The following BMPER variants were observed in gnomAD, a reference collection of about 807,000 sequenced individuals.
The protein encoded by BMPER is BMP-binding endothelial regulator protein.
Under a neutral mutation model 87.3 loss-of-function variants are expected in BMPER, and 45 were observed. The observed-to-expected ratio is 0.52, with a 90% confidence interval of 0.41 to 0.66. The LOEUF (loss-of-function observed/expected upper bound fraction) is 0.66. Ranked by LOEUF, BMPER falls within the 30% of genes least tolerant of loss-of-function variation. BMPER has a pLI of 0.00. For missense variants in BMPER, 784 were observed against 867.5 expected (o/e 0.90, Z 1.21); for synonymous variants, 326 against 316.2 (o/e 1.03, Z -0.33).
intron 6 of BMPER, among the ~76,000 whole-genome samples, chr7:33,990,974 T>C (rs1401319411): frequency 7.5e-6 from 1 of 132,776 alleles, no homozygotes; most frequent in Admixed American, 8.2e-5. Context: ...GCCCACTTGA[T>C]CATGGTGGAT....
At chr7:34,022,181 G>A (rs1255336327) in intron 6 of BMPER, among the ~76,000 whole-genome samples, 1 of 151,980 alleles carries the variant, frequency 6.6e-6, no homozygotes, top group South Asian at 2.1e-4. Flanking sequence ...ACAAGGTTCT[G>A]GAAGCTGCTT....
chr7:34,065,241 T>TCTCTCTCTCC (rs1562720549), intron 11 of BMPER, among the ~76,000 whole-genome samples: 4 of 147,778 alleles, frequency 2.7e-5, no homozygotes, highest in African/African-American at 1.0e-4. Flanking sequence ...TCTCTCTCTC[T>TCTCTCTCTCC]CTCTCTCCCT....
At chr7:33,949,318 TA>T (rs1285137716) in intron 3 of BMPER, among the ~76,000 whole-genome samples, 1 of 152,112 alleles carries the variant, frequency 6.6e-6, no homozygotes, top group Non-Finnish European at 1.5e-5. Flanking sequence ...ATATCTACAG[TA>T]AAAGTAAGTT....
At chr7:34,006,736 G>A (rs115491450) in intron 6 of BMPER, among the ~76,000 whole-genome samples, 68 of 152,148 alleles carry the variant, frequency 4.5e-4, no homozygotes, top group African/African-American at 1.6e-3. Flanking sequence ...GGACGTCTGT[G>A]TATTGTAGTT....
chr7:33,912,665 C>T (rs1189361950), intron 2 of BMPER, among the ~76,000 whole-genome samples: 1 of 152,234 alleles, frequency 6.6e-6, no homozygotes. Context: ...TCTTCTATGG[C>T]CCTTCTGTAT....
At chr7:34,035,580 A>C (rs1787641616) in intron 6 of BMPER, among the ~76,000 whole-genome samples, 1 of 152,218 alleles carries the variant, frequency 6.6e-6, no homozygotes, top group Non-Finnish European at 1.5e-5. Flanking sequence ...ATTCATGTCA[A>C]GATAACAGAT....
At chr7:34,021,107 G>A (rs560597551) in intron 6 of BMPER, among the ~76,000 whole-genome samples, 4 of 151,984 alleles carry the variant, frequency 2.6e-5, no homozygotes, top group Non-Finnish European at 5.9e-5. Context: ...TTTGGGCAAA[G>A]TTAATGCAAA....
At chr7:33,993,057 C>T (rs1242604056) in intron 6 of BMPER, among the ~76,000 whole-genome samples, 2 of 133,060 alleles carry the variant, frequency 1.5e-5, no homozygotes, top group African/African-American at 5.7e-5. Context: ...AACATTTTTT[C>T]CTTCATTTCA....
rs976914986 is a variant in BMPER at position 34,064,975 on chromosome 7, T to C, written c.1078+2928T>C. Among the ~76,000 whole-genome samples, 3 of 152,320 alleles carry C rather than the reference T, an allele frequency of 2.0e-5. No individual in the cohort carries two copies. The East Asian group carries it at 5.8e-4, about 29-fold the overall frequency. On this transcript the variant is annotated intron_variant, in intron 11 of 14. Transcript: ENST00000649409. Reference sequence around the variant, plus strand: ...CTTCGAGACCTCCTACTTTGAAATTTCTTTGTCATTATATTCAGGATTCAG... The same window carrying C: ...CTTCGAGACCTCCTACTTTGAAATTCCTTTGTCATTATATTCAGGATTCAG...
At chr7:34,007,088 T>C (rs1182179944) in intron 6 of BMPER, among the ~76,000 whole-genome samples, 2 of 152,092 alleles carry the variant, frequency 1.3e-5, no homozygotes, top group Non-Finnish European at 2.9e-5. Flanking sequence ...TGCCTTCCCA[T>C]AACTAATTCA....
intron 6 of BMPER, among the ~76,000 whole-genome samples, chr7:34,044,328 T>C (rs1787904542): frequency 6.6e-6 from 1 of 152,234 alleles, no homozygotes; most frequent in South Asian, 2.1e-4. Context: ...TTTTAAAATA[T>C]GCTTGAAAAA....
intron 2 of BMPER, among the ~76,000 whole-genome samples, chr7:33,923,371 TGGGTCTGTGCCCTCTTCTGTG>T (rs1183182998): frequency 6.6e-6 from 1 of 152,244 alleles, no homozygotes; most frequent in Non-Finnish European, 1.5e-5. Flanking sequence ...TAAGCTCTAG[TGGGTCTGTGCCCTCTTCTGTG>T]GGGACATTGG....
At chr7:34,008,662 C>T (rs1017758465) in intron 6 of BMPER, among the ~76,000 whole-genome samples, 1 of 151,872 alleles carries the variant, frequency 6.6e-6, no homozygotes, top group Admixed American at 6.6e-5. Context: ...TGCTGGCTAG[C>T]CCCTCAAGAA....
At chr7:33,987,590 C>T (rs917987049) in intron 6 of BMPER, among the ~76,000 whole-genome samples, 2 of 152,146 alleles carry the variant, frequency 1.3e-5, no homozygotes. Context: ...TCTGGGTGCA[C>T]CTTCCATATA....
At chr7:34,081,239 T>A (rs1377548682) in intron 12 of BMPER, among the ~76,000 whole-genome samples, 1 of 152,252 alleles carries the variant, frequency 6.6e-6, no homozygotes, top group Non-Finnish European at 1.5e-5. Flanking sequence ...TTTAGGGATA[T>A]TATCTTTTTA....
chr7:34,141,726 C>A (rs893479540), intron 13 of BMPER, among the ~76,000 whole-genome samples: 28 of 151,756 alleles, frequency 1.8e-4, no homozygotes, highest in Non-Finnish European at 4.4e-5. Flanking sequence ...ATCTCTCAGT[C>A]CTTGACATGG....
At chr7:34,091,068 C>T (rs1360497737) in intron 13 of BMPER, among the ~76,000 whole-genome samples, 2 of 152,132 alleles carry the variant, frequency 1.3e-5, no homozygotes, top group African/African-American at 4.8e-5. Flanking sequence ...CGGGAGAACA[C>T]TGGAACTCTG....
In BMPER at chr7:33,937,165, C is replaced by G. The variant is rs1239914400; in HGVS notation, c.220-124C>G. 4 of 963,888 alleles carry G rather than the reference C, an allele frequency of 4.1e-6. No individual in the cohort carries two copies. In the Admixed American group the frequency reaches 7.9e-5, roughly 19 times the overall value. The allele number at this position is 963,888 out of a possible 1,614,324, so 59.7% of individuals were successfully genotyped here. ...GATGGCAAAATCCTATTTGCTCTCA[C>G]AGCGTCTTCTTGCCAAGTGAAGGCC... On this transcript the variant is annotated intron_variant, in intron 2 of 14. Transcript: ENST00000649409.
In BMPER at chr7:33,976,292, A is replaced by G. The variant is rs1785685755; in HGVS notation, c.576+1508A>G. Reference sequence around the variant, plus strand: ...CTCAGCCTCCCAAGTAGCTGGGATTACAGGTGTGCGCCACCAGGCCTGGCT... The same window carrying G: ...CTCAGCCTCCCAAGTAGCTGGGATTGCAGGTGTGCGCCACCAGGCCTGGCT... On this transcript the variant is annotated intron_variant, in intron 6 of 14. Transcript: ENST00000649409. 2.0e-5 allele frequency among the ~76,000 whole-genome samples: 3 copies of G among 152,064 alleles called. No homozygotes were observed. The South Asian group carries it at 6.2e-4, about 32-fold the overall frequency.
Sources: gnomAD v4.1 joint callset for allele counts (sites outside exome capture counted in the v4.1 genomes callset) on GRCh38, gnomAD v4.1.1 for gene constraint, MANE v1.5 for transcripts, NCBI Gene and HGNC (gene_info 2026-07-23, HGNC 2026-07-21) for gene names.